GMPS: variants seen among roughly 807,000 people sequenced by gnomAD.
GMPS encodes GMP synthase [glutamine-hydrolyzing].
A neutral mutation model predicts 77.9 loss-of-function variants in GMPS; 15 were observed. That is an observed-to-expected ratio of 0.19 (90% confidence interval 0.13 to 0.30). The LOEUF (loss-of-function observed/expected upper bound fraction) is 0.30. Among genes scored for constraint, GMPS ranks in the 10% least tolerant of loss-of-function variants. The pLI is 1.00. For synonymous variants in GMPS, 224 were observed against 275.9 expected (o/e 0.81, Z 1.86); for missense variants, 590 against 838.8 (o/e 0.70, Z 3.66).
chr3:155,919,092 T>C, intron 9 of GMPS, 141 bp from the exon 10 acceptor site: 1 of 552,252 alleles, frequency 1.8e-6, no homozygotes, highest in Admixed American at 3.2e-5. Context: ...TAGGAACAAA[T>C]ACTTTAAAAG....
chr3:155,898,105 A>G, intron 3 of GMPS, 64 bp downstream of exon 3: 1 of 825,392 alleles, frequency 1.2e-6, no homozygotes, highest in Non-Finnish European at 2.2e-6. Context: ...GTCATACTGT[A>G]TTAGTATTTT....
chr3:155,889,841 A>C (rs1284400080), intron 1 of GMPS, among the ~76,000 whole-genome samples: 1 of 152,178 alleles, frequency 6.6e-6, no homozygotes, highest in Non-Finnish European at 1.5e-5. Context: ...CACTCAGGGC[A>C]GTGAGGGATA....
At chr3:155,923,757 T>C (rs182165589) in intron 11 of GMPS, among the ~76,000 whole-genome samples, 1 of 152,330 alleles carries the variant, frequency 6.6e-6, no homozygotes, top group African/African-American at 2.4e-5. Flanking sequence ...GTTAGAATCA[T>C]CTGGGGAAGC....
In GMPS at chr3:155,941,046, T is replaced by A; in HGVS notation, c.*3354T>A. ...TAATTGTTGGGAGCTAGAGCTAGAA[T>A]CCAAGCTTTCTGATTCTCTGCATGG... On this transcript the variant is annotated 3_prime_UTR_variant, in exon 16 of 16. Coordinates refer to ENST00000496455, the MANE Select transcript of GMPS (RefSeq NM_003875.3). 1 of 193,284 alleles carries A rather than the reference T, an allele frequency of 5.2e-6. No individual in the cohort carries two copies. Among genetic ancestry groups the A allele is most frequent in the East Asian group, 8.1e-5 (1 of 12,316 alleles). 12.0% of individuals were successfully genotyped at this position (193,284 alleles called of 1,614,324 possible).
chr3:155,888,352 A>T (rs1754387071), intron 1 of GMPS, among the ~76,000 whole-genome samples: 1 of 152,082 alleles, frequency 6.6e-6, no homozygotes, highest in South Asian at 2.1e-4. Flanking sequence ...TAGAAATAGT[A>T]CATTCTAGTT....
At chr3:155,931,386 A>T (rs1755610901) in intron 12 of GMPS, among the ~76,000 whole-genome samples, 1 of 151,498 alleles carries the variant, frequency 6.6e-6, no homozygotes, top group Non-Finnish European at 1.5e-5. Context: ...GGGTTTCATC[A>T]TGTTGGCCAG....
At chr3:155,930,129 C>A (rs1455274851) in intron 12 of GMPS, among the ~76,000 whole-genome samples, 1 of 145,034 alleles carries the variant, frequency 6.9e-6, no homozygotes, top group African/African-American at 2.5e-5. Context: ...GCTACAGTAA[C>A]CAAAACAGCA....
At chr3:155,873,736 G>A (rs1753960767) in intron 1 of GMPS, among the ~76,000 whole-genome samples, 1 of 144,694 alleles carries the variant, frequency 6.9e-6, no homozygotes, top group Admixed American at 7.4e-5. Context: ...CTAGGTTCAC[G>A]CAGTTCTCCT....
chr3:155,936,394 C>T lies in GMPS; in HGVS notation c.1864C>T (p.Arg622Trp), dbSNP rs745567482. 2 of 1,608,722 alleles carry T rather than the reference C, an allele frequency of 1.2e-6. No individual in the cohort carries two copies. The highest frequency in any genetic ancestry group is 1.3e-5 in the African/African-American group (1 of 74,806). The part of the protein sequence containing the change: ...PVILTPLHFD[R>W]DPLQKQPSCQ... Reference sequence around the variant, plus strand: ...GATTTTGACACCATTACATTTTGATCGGGACCCACTTCAAAAGCAGCCTTC... The same window carrying T: ...GATTTTGACACCATTACATTTTGATTGGGACCCACTTCAAAAGCAGCCTTC... The change falls in exon 15 of 16, where the codon CGG (arginine) becomes TGG (tryptophan). Residue 622 changes from arginine (R) to tryptophan (W), a missense_variant. By Grantham distance (101) the Arg-to-Trp change is moderately radical. Around this residue, in one of 6 missense-constraint regions of GMPS, gnomAD observed 73 missense variants for 170.5 expected, o/e 0.43. Coordinates refer to ENST00000496455, the MANE Select transcript of GMPS (RefSeq NM_003875.3).
intron 12 of GMPS, among the ~76,000 whole-genome samples, chr3:155,926,591 AAAT>A (rs1755460925): frequency 6.6e-6 from 1 of 151,328 alleles, no homozygotes; most frequent in Non-Finnish European, 1.5e-5. Flanking sequence ...AAAAAATAAA[AAAT>A]AAAAAAAAAG....
At chr3:155,920,394 C>A (rs552996302) in intron 10 of GMPS, among the ~76,000 whole-genome samples, 23 of 151,952 alleles carry the variant, frequency 1.5e-4, no homozygotes, top group Middle Eastern at 3.4e-3. Context: ...TGGCTCATGC[C>A]TGTAACCCTG....
intron 1 of GMPS, among the ~76,000 whole-genome samples, chr3:155,874,405 G>A (rs1436604934): frequency 6.6e-6 from 1 of 152,166 alleles, no homozygotes; most frequent in Non-Finnish European, 1.5e-5. Context: ...TTAATTTTAA[G>A]TTTGGAATTT....
At position 155,891,682 on chromosome 3, in the gene GMPS, C is replaced by T. The variant is rs145521284; in HGVS notation, c.28-1836C>T. On this transcript the variant is annotated intron_variant, in intron 1 of 15. Coordinates refer to ENST00000496455, the MANE Select transcript of GMPS (RefSeq NM_003875.3). The stretch of plus-strand genomic sequence containing the variant: ...AGTGCAATGGCGTGATCTTGGCTCA[C>T]GGCAACTTCCGCCTCCTGGGTTCAA... Among the ~76,000 whole-genome samples the T allele has an allele frequency of 1.2e-3, 184 of 150,448 alleles. 3 individuals carry two copies. The East Asian group carries it at 0.026, about 21-fold the overall frequency.
rs780629093 is a variant in GMPS, at chr3:155,903,929, A to G, written c.391A>G (p.Ile131Val). 1 of 1,506,198 alleles carries G rather than the reference A, an allele frequency of 6.6e-7. No individual in the cohort carries two copies. Among genetic ancestry groups the G allele is most frequent in the South Asian group, 1.2e-5 (1 of 83,344 alleles). 93.3% of individuals were successfully genotyped at this position (1,506,198 alleles called of 1,614,324 possible). Residue 131 changes from isoleucine (I) to valine (V), a missense_variant, in exon 4 of 16, where the codon ATT (isoleucine) becomes GTT (valine). Coordinates refer to ENST00000496455, the MANE Select transcript of GMPS (RefSeq NM_003875.3). The part of the protein sequence containing the change: ...KSVREDGVFN[I>V]SVDNTCSLFR... Reference sequence around the variant, plus strand: ...TGTCAGAGAAGATGGAGTTTTCAACATTAGTGTGGATAATACATGTTCATT... The same window carrying G: ...TGTCAGAGAAGATGGAGTTTTCAACGTTAGTGTGGATAATACATGTTCATT...
Position 155,916,013 on chromosome 3 carries a change from T to C in GMPS, c.1039-6T>C. 6.2e-7 allele frequency: 1 copy of C among 1,608,080 alleles called. No individual in the cohort carries two copies. Among genetic ancestry groups the C allele is most frequent in the Non-Finnish European group, 8.5e-7 (1 of 1,175,786 alleles). The stretch of plus-strand genomic sequence containing the variant: ...TACAAGGCTGTTTTACTCCTGTTGA[T>C]TATAGATTGCCAATGAAGTAATTGG... On this transcript the variant is annotated splice_polypyrimidine_tract_variant and splice_region_variant and intron_variant, in intron 8 of 15. Transcript: ENST00000496455.
chr3:155,909,575 A>T (rs1754978205), intron 5 of GMPS, among the ~76,000 whole-genome samples: 1 of 152,232 alleles, frequency 6.6e-6, no homozygotes, highest in Admixed American at 6.5e-5. Context: ...GAAAGGTTAT[A>T]GCAATGTAGT....
Position 155,936,465 on chromosome 3 carries a change from C to T in GMPS, c.1935C>T (p.Phe645=), listed in dbSNP as rs1280304565. The T allele has an allele frequency of 6.2e-7, 1 of 1,606,714 alleles. No individual in the cohort carries two copies. The highest frequency in any genetic ancestry group is 8.5e-7 in the Non-Finnish European group (1 of 1,173,396). The change falls in exon 15 of 16, where the codon TTC becomes TTT. Residue 645 remains phenylalanine, a synonymous_variant. Transcript: ENST00000496455. The part of the protein sequence containing the change: ...VVIRTFITSD[F]MTGIPATPGN... The stretch of plus-strand genomic sequence containing the variant: ...TTCGAACCTTTATTACTAGTGACTT[C>T]ATGACTGGTATACCTGCAACACCTG...
At chr3:155,906,918 GT>G (rs775454900) in intron 5 of GMPS, among the ~76,000 whole-genome samples, 4 of 152,120 alleles carry the variant, frequency 2.6e-5, no homozygotes, top group Non-Finnish European at 4.4e-5. Flanking sequence ...CTTTCTGGCT[GT>G]TTGGGGTTTT....
intron 1 of GMPS, among the ~76,000 whole-genome samples, chr3:155,884,417 G>A (rs1413537669): frequency 2.0e-5 from 3 of 150,960 alleles, no homozygotes; most frequent in African/African-American, 4.9e-5. Context: ...AAAAAATCAC[G>A]AGGCAAAGAA....
Sources: gnomAD v4.1 joint callset for allele counts (sites outside exome capture counted in the v4.1 genomes callset) on GRCh38, gnomAD v4.1.1 for gene constraint, gnomAD v4.1.1 regional missense constraint, MANE v1.5 for transcripts, NCBI Gene and HGNC (gene_info 2026-07-23, HGNC 2026-07-21) for gene names.